The following ARID2 variants were observed in gnomAD, a reference collection of about 807,000 sequenced individuals.
ARID2 encodes the protein AT-rich interactive domain-containing protein 2.
A neutral mutation model predicts 184.6 loss-of-function variants in ARID2; 32 were observed. The observed-to-expected ratio is 0.17, with a 90% CI of 0.13 to 0.23. The LOEUF (loss-of-function observed/expected upper bound fraction) is 0.23. Ranked by LOEUF, ARID2 falls within the 10% of genes least tolerant of loss-of-function variation. The pLI is 1.00. For missense variants in ARID2, 1,696 were observed against 2,197.6 expected (o/e 0.77, Z 4.56); for synonymous variants, 836 against 772.6 (o/e 1.08, Z -1.36).
chr12:45,835,769 G>A (rs1009188337), intron 6 of ARID2, among the ~76,000 whole-genome samples: 10 of 152,088 alleles, frequency 6.6e-5, no homozygotes, highest in South Asian at 6.2e-4. Flanking sequence ...GCGTGGTGGC[G>A]CGTGCCTATA....
intron 16 of ARID2, among the ~76,000 whole-genome samples, chr12:45,869,942 A>G (rs549371944): frequency 8.5e-5 from 13 of 152,308 alleles, no homozygotes; most frequent in Non-Finnish European, 1.6e-4. Context: ...CAATTGCACA[A>G]TAGTGATAAT....
intron 3 of ARID2, among the ~76,000 whole-genome samples, chr12:45,765,036 G>A (rs994267071): frequency 1.3e-5 from 2 of 152,074 alleles, no homozygotes; most frequent in Non-Finnish European, 2.9e-5. Flanking sequence ...ATTAATTTTA[G>A]CCATTCTAAA....
intron 12 of ARID2, among the ~76,000 whole-genome samples, chr12:45,848,432 GT>G (rs767586339): frequency 2.6e-5 from 4 of 152,018 alleles, no homozygotes; most frequent in East Asian, 3.9e-4. Context: ...CCTTAGTTCA[GT>G]TTCCCCCCAT....
At chr12:45,838,160 AC>A (rs1943254992) in intron 10 of ARID2, among the ~76,000 whole-genome samples, 1 of 152,202 alleles carries the variant, frequency 6.6e-6, no homozygotes, top group African/African-American at 2.4e-5. Flanking sequence ...CTACTGTTAA[AC>A]AATTAAAGCT....
chr12:45,884,669 ATTAT>A (rs1444385559), intron 16 of ARID2, among the ~76,000 whole-genome samples: 3 of 152,158 alleles, frequency 2.0e-5, no homozygotes, highest in African/African-American at 4.8e-5. Context: ...TCCTGTAATA[ATTAT>A]TAGGAGGAAA....
chr12:45,741,143 T>C (rs187653672), intron 3 of ARID2, among the ~76,000 whole-genome samples: 1 of 152,340 alleles, frequency 6.6e-6, no homozygotes, highest in East Asian at 1.9e-4. Flanking sequence ...GTTATTAATA[T>C]GATACAAGCA....
At chr12:45,894,600 T>G (rs532991951) in intron 20 of ARID2, among the ~76,000 whole-genome samples, 52 of 152,320 alleles carry the variant, frequency 3.4e-4, no homozygotes, top group Non-Finnish European at 6.2e-4. Context: ...TGTTTTAAGA[T>G]TTCTCTAAGT....
At chr12:45,812,907 A>G (rs549693429) in intron 4 of ARID2, among the ~76,000 whole-genome samples, 1 of 152,344 alleles carries the variant, frequency 6.6e-6, no homozygotes, top group East Asian at 1.9e-4. Flanking sequence ...GTTCCCAAAC[A>G]AACACTTTTC....
At chr12:45,894,439 A>G (rs1216029114) in intron 20 of ARID2, among the ~76,000 whole-genome samples, 1 of 151,924 alleles carries the variant, frequency 6.6e-6, no homozygotes, top group Admixed American at 6.6e-5. Flanking sequence ...TCCTTAATGT[A>G]TTTTGAATCC....
intron 15 of ARID2, among the ~76,000 whole-genome samples, chr12:45,853,198 C>T (rs896884770): frequency 5.9e-5 from 9 of 152,116 alleles, no homozygotes; most frequent in Non-Finnish European, 7.4e-5. Context: ...TCTTAATCTC[C>T]TTTTTGAGTT....
intron 16 of ARID2, among the ~76,000 whole-genome samples, chr12:45,882,697 T>C (rs1167203067): frequency 6.6e-6 from 1 of 152,234 alleles, no homozygotes; most frequent in African/African-American, 2.4e-5. Flanking sequence ...AATTAATCAG[T>C]AGTTAGATTG....
chr12:45,731,627 C>A (rs866781943), intron 3 of ARID2, among the ~76,000 whole-genome samples: 3 of 152,020 alleles, frequency 2.0e-5, no homozygotes, highest in Non-Finnish European at 4.4e-5. Context: ...AAAGGTGATG[C>A]TTAGTAAAAG....
intron 3 of ARID2, among the ~76,000 whole-genome samples, chr12:45,784,103 C>A (rs1011656952): frequency 1.3e-5 from 2 of 152,222 alleles, no homozygotes; most frequent in Non-Finnish European, 2.9e-5. Context: ...AGTCCTCCCA[C>A]CTCAGCCTCC....
rs1365190650 is a variant in ARID2, at chr12:45,907,627, T to G, written c.*2549T>G. The G allele has an allele frequency of 1.3e-5, 3 of 233,114 alleles. No homozygotes were observed. Among genetic ancestry groups the G allele is most frequent in the Non-Finnish European group, 8.5e-6 (1 of 117,814 alleles). The allele number at this position is 233,114 out of a possible 1,614,324, so 14.4% of individuals were successfully genotyped here. A position where few individuals can be genotyped will look rare whatever the true frequency, so the allele number is the denominator to read the frequency against. ...CTGTGTAATGGAATTAAAGTGCTTTTGCACAATAAGTTCTGCAAAACCCTC... is the reference window on the plus strand; with the variant it reads ...CTGTGTAATGGAATTAAAGTGCTTTGGCACAATAAGTTCTGCAAAACCCTC... On this transcript the variant is annotated 3_prime_UTR_variant, in exon 21 of 21. Transcript: ENST00000334344.
chr12:45,759,727 A>G (rs1484685145), intron 3 of ARID2, among the ~76,000 whole-genome samples: 1 of 152,114 alleles, frequency 6.6e-6, no homozygotes, highest in African/African-American at 2.4e-5. Flanking sequence ...TTTTAATTGC[A>G]CCAATTGATT....
chr12:45,861,662 G>T (rs1451324188), intron 16 of ARID2, among the ~76,000 whole-genome samples: 1 of 142,374 alleles, frequency 7.0e-6, no homozygotes, highest in Non-Finnish European at 1.5e-5. Flanking sequence ...TCCACTCACT[G>T]CAACCTCCAC....
intron 16 of ARID2, among the ~76,000 whole-genome samples, chr12:45,864,267 T>G (rs1943798729): frequency 6.6e-6 from 1 of 152,136 alleles, no homozygotes; most frequent in Non-Finnish European, 1.5e-5. Context: ...GTTAGGGACC[T>G]CACTCTTTAG....
intron 12 of ARID2, 55 bp downstream of exon 12, chr12:45,846,992 A>G (rs935705931): frequency 6.6e-7 from 1 of 1,522,234 alleles, no homozygotes; most frequent in South Asian, 1.1e-5. Flanking sequence ...AAGCAAAGAA[A>G]AAAAGGAAAT....
At chr12:45,872,000 A>AT (rs1489103485) in intron 16 of ARID2, among the ~76,000 whole-genome samples, 4 of 150,890 alleles carry the variant, frequency 2.7e-5, no homozygotes, top group Non-Finnish European at 5.9e-5. Context: ...ATCTTCTGTT[A>AT]TTTTTTCTTG....
Sources: gnomAD v4.1 joint callset for allele counts (sites outside exome capture counted in the v4.1 genomes callset) on GRCh38, gnomAD v4.1.1 for gene constraint, MANE v1.5 for transcripts, NCBI Gene and HGNC (gene_info 2026-07-23, HGNC 2026-07-21) for gene names.